The following PRKCI variants were observed in gnomAD, a reference collection of about 807,000 sequenced individuals.
The protein encoded by PRKCI is protein kinase C iota type.
PRKCI carries 43 observed loss-of-function variants against 84.0 expected under a neutral mutation model. The ratio of observed to expected loss-of-function variants is 0.51; its 90% CI spans 0.40 to 0.66. PRKCI has a LOEUF of 0.66. Among genes scored for constraint, PRKCI ranks in the 30% least tolerant of loss-of-function variants. The pLI is 0.00. For missense variants in PRKCI, 459 were observed against 745.6 expected, an observed-to-expected ratio of 0.62 and a Z score of 4.48; for synonymous variants, 216 against 234.4, an observed-to-expected ratio of 0.92 and a Z score of 0.72.
intron 8 of PRKCI, among the ~76,000 whole-genome samples, chr3:170,276,516 G>T (rs190525331): frequency 4.0e-5 from 6 of 151,670 alleles, no homozygotes; most frequent in Non-Finnish European, 2.9e-5. Flanking sequence ...CCGTGCAGTG[G>T]TGCAATGATG....
At chr3:170,227,329 A>G (rs991877520) in intron 1 of PRKCI, among the ~76,000 whole-genome samples, 3 of 152,238 alleles carry the variant, frequency 2.0e-5, no homozygotes, top group East Asian at 1.9e-4. Flanking sequence ...ATGCTGTCGT[A>G]GGCACAGAGA....
At chr3:170,244,760 A>G (rs1733230994) in intron 2 of PRKCI, 1 of 152,294 alleles carries the variant, frequency 6.6e-6, no homozygotes, top group African/African-American at 2.4e-5. Context: ...CATGTATAAT[A>G]TCCTGGCAAA....
At chr3:170,279,601 T>G (rs1734197100) in intron 8 of PRKCI, among the ~76,000 whole-genome samples, 1 of 152,220 alleles carries the variant, frequency 6.6e-6, no homozygotes, top group African/African-American at 2.4e-5. Context: ...TTTTAAGGCT[T>G]ACTTTGTCGT....
intron 2 of PRKCI, among the ~76,000 whole-genome samples, chr3:170,254,123 T>G (rs1373430563): frequency 2.0e-5 from 3 of 151,778 alleles, no homozygotes; most frequent in Non-Finnish European, 2.9e-5. Flanking sequence ...AAATGTCTAT[T>G]CATATCTTTT....
At position 170,233,109 on chromosome 3, in the gene PRKCI, C is replaced by T. The variant is rs554816620; in HGVS notation, c.102-2121C>T. 4.6e-5 allele frequency among the ~76,000 whole-genome samples: 7 copies of T among 151,784 alleles called. No homozygotes were observed. The South Asian group carries it at 1.5e-3, about 32-fold the overall frequency. ...ATGGTCTTACCATTCATGGATAATCCTGCCTAAACCAATTATTATAATGGT... is the reference window on the plus strand; with the variant it reads ...ATGGTCTTACCATTCATGGATAATCTTGCCTAAACCAATTATTATAATGGT... On this transcript the variant is annotated intron_variant, in intron 1 of 17. Transcript: ENST00000295797.
rs72411481 is a variant in PRKCI, at chr3:170,247,730, CAAAAAAAAAAAAA to C, written c.224-12221_224-12209del. On this transcript the variant is annotated intron_variant, in intron 2 of 17. Transcript: ENST00000295797. ...GGGCAACAAGAGCAAAACTCTGTCTCAAAAAAAAAAAAAAAAAAAAAAAAAAAAAAGTTGAGGA... is the reference window on the plus strand; with the variant it reads ...GGGCAACAAGAGCAAAACTCTGTCTCAAAAAAAAAAAAAAAAAGTTGAGGA... Among the ~76,000 whole-genome samples, 15 of 27,906 alleles carry C rather than the reference CAAAAAAAAAAAAA, an allele frequency of 5.4e-4. No homozygotes were observed. In the East Asian group the frequency reaches 6.1e-3, roughly 11 times the overall value. The allele number at this position is 27,906 out of a possible 152,430, so 18.3% of individuals were successfully genotyped here. A position where few individuals can be genotyped will look rare whatever the true frequency, so the allele number is the denominator to read the frequency against.
chr3:170,293,717 A>G (rs953819306), intron 14 of PRKCI, among the ~76,000 whole-genome samples: 45 of 152,068 alleles, frequency 3.0e-4, no homozygotes, highest in African/African-American at 1.0e-3. Flanking sequence ...CAGGGGCGCA[A>G]TCTCGGCTCC....
At chr3:170,249,166 T>C (rs117466280) in intron 2 of PRKCI, among the ~76,000 whole-genome samples, 3,198 of 152,138 alleles carry the variant, frequency 0.021, 53 homozygotes, top group East Asian at 0.085. Flanking sequence ...CTTTTTTCAT[T>C]ATAGACTACT....
chr3:170,296,071 T>G (rs1026539081), intron 15 of PRKCI, 81 bp downstream of exon 15: 2 of 790,896 alleles, frequency 2.5e-6, no homozygotes, highest in Non-Finnish European at 3.8e-6. Context: ...TTGGGAAATG[T>G]AAAATTCCAA....
chr3:170,289,277 TATA>T (rs763899764), intron 12 of PRKCI, among the ~76,000 whole-genome samples: 32 of 152,210 alleles, frequency 2.1e-4, no homozygotes, highest in Non-Finnish European at 4.6e-4. Context: ...AAAAATAGCA[TATA>T]ATATCCCTTT....
intron 13 of PRKCI, among the ~76,000 whole-genome samples, chr3:170,292,477 C>T (rs1356741771): frequency 6.6e-6 from 1 of 152,152 alleles, no homozygotes; most frequent in Non-Finnish European, 1.5e-5. Context: ...AAACATTTGA[C>T]TTTTTGGGTT....
intron 2 of PRKCI, among the ~76,000 whole-genome samples, chr3:170,238,350 G>A (rs1192370373): frequency 1.3e-5 from 2 of 150,780 alleles, no homozygotes; most frequent in African/African-American, 2.4e-5. Context: ...GCAACAGAGC[G>A]AGACTCCATT....
intron 7 of PRKCI, among the ~76,000 whole-genome samples, 190 bp downstream of exon 7, chr3:170,273,530 G>A (rs556358767): frequency 3.3e-5 from 5 of 152,238 alleles, no homozygotes; most frequent in Admixed American, 1.3e-4. Context: ...AAAGACAACT[G>A]TGGGCTGGGT....
At chr3:170,228,602 A>AATATATAT (rs549146564) in intron 1 of PRKCI, among the ~76,000 whole-genome samples, 10 of 130,640 alleles carry the variant, frequency 7.7e-5, no homozygotes, top group African/African-American at 2.9e-4. Flanking sequence ...CACACACACA[A>AATATATAT]ATATATATAT....
At chr3:170,268,373 G>A (rs549992586) in intron 5 of PRKCI, among the ~76,000 whole-genome samples, 49 of 151,928 alleles carry the variant, frequency 3.2e-4, no homozygotes, top group African/African-American at 1.1e-3. Context: ...CCAGCTACTC[G>A]GGAGGCTGAG....
At chr3:170,272,527 A>G (rs6766733) in intron 6 of PRKCI, among the ~76,000 whole-genome samples, 12,347 of 152,238 alleles carry the variant, frequency 0.081, 1,207 homozygotes, top group African/African-American at 0.23. Flanking sequence ...GTAGGTTACT[A>G]TTAATATTTT....
intron 12 of PRKCI, among the ~76,000 whole-genome samples, chr3:170,290,917 C>G (rs1364382783): frequency 2.0e-5 from 3 of 152,030 alleles, no homozygotes; most frequent in African/African-American, 7.2e-5. Context: ...GTGGGCAGAT[C>G]ATCTGGTCAG....
chr3:170,227,164 A>T (rs1220565012), intron 1 of PRKCI, among the ~76,000 whole-genome samples: 1 of 152,214 alleles, frequency 6.6e-6, no homozygotes, highest in East Asian at 1.9e-4. Flanking sequence ...CCCTCCTTTT[A>T]CAACTTTAGT....
At chr3:170,235,501 G>A in intron 2 of PRKCI, 150 bp downstream of exon 2, 1 of 755,898 alleles carries the variant, frequency 1.3e-6, no homozygotes, top group Non-Finnish European at 2.0e-6. Context: ...GTATTTAAAA[G>A]AATACTGAAG....
Sources: gnomAD v4.1 joint callset for allele counts (sites outside exome capture counted in the v4.1 genomes callset) on GRCh38, gnomAD v4.1.1 for gene constraint, MANE v1.5 for transcripts, NCBI Gene and HGNC (gene_info 2026-07-23, HGNC 2026-07-21) for gene names.